The following COL21A1 variants were observed in gnomAD, a reference collection of about 807,000 sequenced individuals.
COL21A1 encodes the protein collagen type XXI alpha 1 chain, also known as collagen alpha-1(XXI) chain.
Under a neutral mutation model 137.9 loss-of-function variants are expected in COL21A1, and 149 were observed. The observed-to-expected ratio is 1.08, with a 90% CI of 0.95 to 1.24. The LOEUF (loss-of-function observed/expected upper bound fraction) is 1.24, where lower values mean the gene tolerates loss of function less well. Among genes scored for constraint, COL21A1 ranks in the 50% most tolerant of loss-of-function variants. The pLI, the probability that COL21A1 is intolerant of heterozygous loss-of-function variation, is 0.00. For missense variants in COL21A1, 1,167 were observed against 1,158.4 expected (o/e 1.01, Z -0.11); for synonymous variants, 456 against 391.5 (o/e 1.16, Z -1.95).
chr6:56,193,115 A>G (rs1207879945), intron 1 of COL21A1, among the ~76,000 whole-genome samples: 2 of 152,146 alleles, frequency 1.3e-5, no homozygotes, highest in Admixed American at 6.5e-5. Flanking sequence ...GAGTTGAACA[A>G]TGAGAACACA....
At position 56,217,899 on chromosome 6, in the gene COL21A1, G is replaced by T. The variant is rs527959019; in HGVS notation, c.-39+29488C>A. ...CACCAGGTATGTGATCCTCCTGATT[G>T]CTTAAGCACCTCTGAGAGCTGGAGG... On this transcript the variant is annotated intron_variant, in intron 1 of 29. Transcript: ENST00000244728. Among the ~76,000 whole-genome samples the T allele has an allele frequency of 1.5e-4, 23 of 152,202 alleles. No homozygotes were observed. In the South Asian group the frequency reaches 3.5e-3, roughly 23 times the overall value.
intron 9 of COL21A1, 116 bp downstream of exon 9, chr6:56,164,307 C>A (rs1204193334): frequency 1.3e-6 from 1 of 741,568 alleles, no homozygotes; most frequent in East Asian, 2.7e-5. Context: ...GTTTTAAACT[C>A]TATAAGAAAT....
chr6:56,186,231 G>A (rs895698274), intron 1 of COL21A1, among the ~76,000 whole-genome samples: 6 of 152,070 alleles, frequency 3.9e-5, no homozygotes, highest in African/African-American at 1.4e-4. Context: ...ACTTTGGTAA[G>A]AGACTAGAAA....
In COL21A1 at chr6:56,389,652, G is replaced by A. The variant is rs189546908; in HGVS notation, c.-39+4319C>T. On this transcript the variant is annotated intron_variant, in intron 1 of 28. Transcript: ENST00000370819. ...GAAGGCATATCATAATCAAACTCTC[G>A]AAGGTCAAGGATAAAAGATCCTAAA... 2.3e-4 allele frequency among the ~76,000 whole-genome samples: 35 copies of A among 152,208 alleles called. No homozygotes were observed. In the South Asian group the frequency reaches 2.9e-3, roughly 13 times the overall value.
chr6:56,057,522 TC>T lies in COL21A1; in HGVS notation c.*134del. The stretch of plus-strand genomic sequence containing the variant: ...GTATATGTGATCTTTTATATTTTTT[TC>T]CATAAGAAAAAAAAAATAAAAACAC... On this transcript the variant is annotated 3_prime_UTR_variant, in exon 30 of 30. Transcript: ENST00000244728. 3 of 796,824 alleles carry T rather than the reference TC, an allele frequency of 3.8e-6. No individual in the cohort carries two copies. The highest frequency in any genetic ancestry group is 2.8e-5 in the Admixed American group (1 of 36,176). 49.4% of individuals were successfully genotyped at this position (796,824 alleles called of 1,614,324 possible). A position where few individuals can be genotyped will look rare whatever the true frequency, so the allele number is the denominator to read the frequency against.
intron 1 of COL21A1, among the ~76,000 whole-genome samples, chr6:56,368,484 T>C (rs1766151485): frequency 6.6e-6 from 1 of 152,226 alleles, no homozygotes; most frequent in East Asian, 1.9e-4. Context: ...ATGGCTTGAT[T>C]TGTCTACAGT....
intron 1 of COL21A1, among the ~76,000 whole-genome samples, chr6:56,205,841 A>G (rs1174771844): frequency 6.6e-6 from 1 of 152,230 alleles, no homozygotes; most frequent in Non-Finnish European, 1.5e-5. Flanking sequence ...ACATTCGTAA[A>G]GAAAAGAATT....
At chr6:56,082,789 C>A (rs978691721) in intron 17 of COL21A1, among the ~76,000 whole-genome samples, 1 of 151,672 alleles carries the variant, frequency 6.6e-6, no homozygotes, top group African/African-American at 2.4e-5. Context: ...AATTTTTAAA[C>A]TTAATTTATA....
At chr6:56,090,922 G>A (rs185643265) in intron 17 of COL21A1, among the ~76,000 whole-genome samples, 14 of 152,220 alleles carry the variant, frequency 9.2e-5, no homozygotes, top group South Asian at 6.2e-4. Context: ...GCCTGAAAAA[G>A]GGGTGAGAAA....
intron 1 of COL21A1, among the ~76,000 whole-genome samples, chr6:56,331,241 T>C (rs1339869259): frequency 2.0e-5 from 3 of 151,992 alleles, no homozygotes; most frequent in Admixed American, 2.0e-4. Context: ...TCTTCCATTC[T>C]GCAGGTTGTC....
intron 17 of COL21A1, among the ~76,000 whole-genome samples, chr6:56,096,691 G>T (rs558823914): frequency 1.3e-5 from 2 of 152,102 alleles, no homozygotes; most frequent in African/African-American, 4.8e-5. Context: ...TGCTTACAGG[G>T]ATGAATCACC....
At chr6:56,260,677 AAGGAAGGAAGGAAGGCAGGCAGGC>A (rs1763242400) in intron 1 of COL21A1, among the ~76,000 whole-genome samples, 1 of 121,702 alleles carries the variant, frequency 8.2e-6, no homozygotes, top group African/African-American at 4.0e-5. Flanking sequence ...GGAAGGAAGG[AAGGAAGGAAGGAAGGCAGGCAGGC>A]AGGCAGGCAG....
intron 8 of COL21A1, 93 bp from the exon 9 acceptor site, chr6:56,164,599 ATGGC>A: frequency 9.9e-7 from 1 of 1,015,100 alleles, no homozygotes; most frequent in Admixed American, 2.5e-5. Context: ...TTTGTGTAAA[ATGGC>A]AAAAATATCT....
intron 12 of COL21A1, among the ~76,000 whole-genome samples, chr6:56,128,782 G>A (rs776869881): frequency 2.0e-5 from 3 of 152,130 alleles, no homozygotes; most frequent in Non-Finnish European, 4.4e-5. Flanking sequence ...AGCCTCCTGA[G>A]TAGCCGGGAT....
At chr6:56,359,673 C>CT (rs2152348225) in intron 1 of COL21A1, among the ~76,000 whole-genome samples, 1 of 152,234 alleles carries the variant, frequency 6.6e-6, no homozygotes, top group South Asian at 2.1e-4. Flanking sequence ...TTCAGTCATG[C>CT]TTAAGATTGA....
chr6:56,106,169 A>G (rs1770866530), intron 16 of COL21A1, among the ~76,000 whole-genome samples: 1 of 152,180 alleles, frequency 6.6e-6, no homozygotes, highest in Non-Finnish European at 1.5e-5. Context: ...ATATTCTCCA[A>G]TCAACAAAAG....
At chr6:56,368,007 C>T (rs1285933564) in intron 1 of COL21A1, among the ~76,000 whole-genome samples, 2 of 152,202 alleles carry the variant, frequency 1.3e-5, no homozygotes, top group African/African-American at 4.8e-5. Context: ...AGCCACTGCA[C>T]CTGGAAGAAA....
rs1766668155 is a variant in COL21A1, at chr6:56,070,738, A to C, written c.2019+7T>G. The stretch of plus-strand genomic sequence containing the variant: ...TTTGAAAATATTTTCAAATGCATCA[A>C]AATTACCTTGAGCCCAGAAGCCCCA... On this transcript the variant is annotated splice_region_variant and intron_variant, in intron 21 of 29. Transcript: ENST00000244728. 6.4e-7 allele frequency: 1 copy of C among 1,572,392 alleles called. No homozygotes were observed. The highest frequency in any genetic ancestry group is 8.6e-7 in the Non-Finnish European group (1 of 1,164,100).
chr6:56,063,659 G>A (rs932656609), intron 24 of COL21A1, among the ~76,000 whole-genome samples: 3 of 151,752 alleles, frequency 2.0e-5, no homozygotes, highest in Non-Finnish European at 4.4e-5. Context: ...TCCATCCCAC[G>A]TTGCAGATAA....
Sources: gnomAD v4.1 joint callset for allele counts (sites outside exome capture counted in the v4.1 genomes callset) on GRCh38, gnomAD v4.1.1 for gene constraint, MANE v1.5 for transcripts, NCBI Gene and HGNC (gene_info 2026-07-23, HGNC 2026-07-21) for gene names.